The following GAD2 variants were observed in gnomAD, a reference collection of about 807,000 sequenced individuals.
GAD2 encodes 65 kDa glutamic acid decarboxylase.
In GAD2, 22 loss-of-function variants were observed where a neutral mutation model predicts 80.1. The ratio of observed to expected loss-of-function variants is 0.27; its 90% CI spans 0.20 to 0.39. The LOEUF is 0.39. Ranked by LOEUF, GAD2 falls within the 10% of genes least tolerant of loss-of-function variation. The probability of loss-of-function intolerance (pLI) is 1.00; values close to 1 mark genes in which losing one functional copy is unlikely to be tolerated. For missense variants in GAD2, 624 were observed against 738.4 expected (o/e 0.85, Z 1.80); for synonymous variants, 274 against 256.9 (o/e 1.07, Z -0.64).
intron 11 of GAD2, among the ~76,000 whole-genome samples, chr10:26,279,599 A>C (rs1027523828): frequency 1.3e-5 from 2 of 152,262 alleles, no homozygotes; most frequent in Non-Finnish European, 1.5e-5. Context: ...GGATGAAATG[A>C]AGACCGAGTC....
intron 8 of GAD2, among the ~76,000 whole-genome samples, chr10:26,249,074 G>A (rs368168441): frequency 1.3e-5 from 2 of 151,922 alleles, no homozygotes; most frequent in Non-Finnish European, 2.9e-5. Context: ...TTTTTTTGGC[G>A]GGGGAGGGGA....
At chr10:26,237,280 C>T (rs1844685377) in intron 7 of GAD2, among the ~76,000 whole-genome samples, 1 of 152,130 alleles carries the variant, frequency 6.6e-6, no homozygotes, top group South Asian at 2.1e-4. Context: ...ACTTATTGTT[C>T]TCCAGGTTAG....
rs571266643 is a variant in GAD2, at chr10:26,267,783, G to A, written c.921-1336G>A. Among the ~76,000 whole-genome samples, 58 of 148,368 alleles carry A rather than the reference G, an allele frequency of 3.9e-4. 2 individuals carry two copies. Among genetic ancestry groups the A allele is most frequent in the African/African-American group, 1.4e-3 (56 of 40,498 alleles). On this transcript the variant is annotated intron_variant, in intron 8 of 15. Transcript: ENST00000376261. ...CCTTTATTGGCCTGAAAAAAAAAAAGGGTCAAAAATATAACTTACCCTTCT... is the reference window on the plus strand; with the variant it reads ...CCTTTATTGGCCTGAAAAAAAAAAAAGGTCAAAAATATAACTTACCCTTCT...
At chr10:26,292,171 G>C (rs1238843601) in intron 13 of GAD2, among the ~76,000 whole-genome samples, 1 of 152,160 alleles carries the variant, frequency 6.6e-6, no homozygotes, top group African/African-American at 2.4e-5. Flanking sequence ...TTATTCCTAT[G>C]AATAGCAGAG....
At position 26,303,108 on chromosome 10, in the gene GAD2, C is replaced by T. The variant is rs1022181444; in HGVS notation, c.*2147C>T. 6.6e-6 allele frequency: 1 copy of T among 152,174 alleles called. No homozygotes were observed. The highest frequency in any genetic ancestry group is 6.5e-5 in the Admixed American group (1 of 15,276). The allele number at this position is 152,174 out of a possible 1,614,324, so 9.4% of individuals were successfully genotyped here. A position where few individuals can be genotyped will look rare whatever the true frequency, so the allele number is the denominator to read the frequency against. On this transcript the variant is annotated 3_prime_UTR_variant, in exon 16 of 16. Transcript: ENST00000376261. ...GCCCTGGTGAACCAACCCTGCTGTA[C>T]TCCAGGATGCTTTATCTTTTGAGTT...
intron 9 of GAD2, 132 bp from the exon 10 acceptor site, chr10:26,270,508 C>T (rs765281331): frequency 1.4e-6 from 1 of 724,172 alleles, no homozygotes. Context: ...CCCGGGGTGT[C>T]AGTAACTCTG....
At position 26,229,795 on chromosome 10, in the gene GAD2, T is replaced by A. The variant is rs747221062; in HGVS notation, c.840+18T>A. On this transcript the variant is annotated intron_variant, in intron 7 of 15. Coordinates refer to ENST00000376261, the MANE Select transcript of GAD2 (RefSeq NM_001134366.2). ...CTGAACATGTATGTGTTTCTTTTCC[T>A]TGCAAGTTTAAGGTTATGTTCCATA... The A allele has an allele frequency of 6.4e-7, 1 of 1,573,966 alleles. No homozygotes were observed. Among genetic ancestry groups the A allele is most frequent in the Non-Finnish European group, 8.7e-7 (1 of 1,144,410 alleles).
chr10:26,224,507 A>G (rs1489272979), intron 5 of GAD2, 32 bp from the exon 6 acceptor site: 2 of 1,221,946 alleles, frequency 1.6e-6, no homozygotes, highest in Admixed American at 1.7e-5. Flanking sequence ...TCTGAGTTAC[A>G]GAGGTAAAAT....
intron 11 of GAD2, 26 bp downstream of exon 11, chr10:26,273,726 A>G: frequency 1.3e-6 from 2 of 1,595,432 alleles, no homozygotes; most frequent in Non-Finnish European, 1.7e-6. Flanking sequence ...CTTATTAACA[A>G]CATAAAGTGT....
Position 26,281,317 on chromosome 10 carries a change from C to T in GAD2, c.1236+230C>T, listed in dbSNP as rs557820634. 3.9e-5 allele frequency among the ~76,000 whole-genome samples: 6 copies of T among 152,276 alleles called. No homozygotes were observed. In the South Asian group the frequency reaches 1.2e-3, roughly 32 times the overall value. On this transcript the variant is annotated intron_variant, in intron 12 of 15. Coordinates refer to ENST00000376261, the MANE Select transcript of GAD2 (RefSeq NM_001134366.2). ...CAGAACATAAACTTTGACCTAATCT[C>T]CATGTTTTCAGTATGATACCCCTTT...
chr10:26,297,073 C>T (rs1364957360), intron 15 of GAD2, among the ~76,000 whole-genome samples: 1 of 152,086 alleles, frequency 6.6e-6, no homozygotes, highest in African/African-American at 2.4e-5. Flanking sequence ...CACCACCACA[C>T]CCAGCTAATT....
chr10:26,233,254 C>A (rs911892272), intron 7 of GAD2, among the ~76,000 whole-genome samples: 4 of 152,232 alleles, frequency 2.6e-5, no homozygotes, highest in Non-Finnish European at 4.4e-5. Flanking sequence ...AAAGATTCAG[C>A]AACAGAGCTT....
rs1021237642 is a variant in GAD2, at chr10:26,217,712, G to A, written c.136+43G>A. ...GGGGCGGCCAAGGTCGGCCCGCGGG[G>A]TCCAAGCAGTCTTCTCACCTCCGCA... On this transcript the variant is annotated intron_variant, in intron 2 of 15. Transcript: ENST00000376261. This position sits in a 1 kb window ranked among gnomAD's most constrained non-coding sequence, Gnocchi z 4.9. 3.1e-6 allele frequency: 5 copies of A among 1,604,422 alleles called. No homozygotes were observed. Among genetic ancestry groups the A allele is most frequent in the African/African-American group, 1.3e-5 (1 of 74,804 alleles).
chr10:26,293,098 A>G (rs1218872464), intron 15 of GAD2, 107 bp downstream of exon 15: 4 of 824,298 alleles, frequency 4.9e-6, no homozygotes, highest in South Asian at 3.0e-5. Context: ...ACCTGGGTAC[A>G]TGGGCCCATT....
chr10:26,275,338 C>T (rs1455456182), intron 11 of GAD2, among the ~76,000 whole-genome samples: 4 of 152,176 alleles, frequency 2.6e-5, no homozygotes, highest in Non-Finnish European at 5.9e-5. Context: ...GGCACATCCT[C>T]CACTTAAAAA....
intron 11 of GAD2, among the ~76,000 whole-genome samples, chr10:26,273,929 G>A (rs1845167835): frequency 6.6e-6 from 1 of 152,098 alleles, no homozygotes; most frequent in Non-Finnish European, 1.5e-5. Flanking sequence ...TACACATCAA[G>A]CGACCCAGGT....
At chr10:26,286,094 G>C (rs1209959788) in intron 12 of GAD2, among the ~76,000 whole-genome samples, 1 of 152,142 alleles carries the variant, frequency 6.6e-6, no homozygotes, top group Non-Finnish European at 1.5e-5. Flanking sequence ...GAGAGTAAAA[G>C]TATAAATGTG....
At chr10:26,272,903 C>G (rs1020920548) in intron 10 of GAD2, among the ~76,000 whole-genome samples, 5 of 152,156 alleles carry the variant, frequency 3.3e-5, no homozygotes, top group African/African-American at 1.2e-4. Context: ...GAACTTACAA[C>G]AAAAGGTGGG....
chr10:26,238,608 T>C (rs1239243716), intron 7 of GAD2, among the ~76,000 whole-genome samples: 3 of 152,248 alleles, frequency 2.0e-5, no homozygotes, highest in African/African-American at 7.2e-5. Flanking sequence ...TGAGTGTGAC[T>C]AATAAGATAG....
Sources: gnomAD v4.1 joint callset for allele counts (sites outside exome capture counted in the v4.1 genomes callset) on GRCh38, gnomAD v4.1.1 for gene constraint, Gnocchi (gnomAD v3.1) non-coding constraint, MANE v1.5 for transcripts, NCBI Gene and HGNC (gene_info 2026-07-23, HGNC 2026-07-21) for gene names.